Variants in CASC3 observed in about 807,000 individuals in gnomAD.
CASC3 encodes protein CASC3.
In CASC3, 30 loss-of-function variants were observed where a neutral mutation model predicts 80.5. That is an observed-to-expected ratio of 0.37 (90% CI 0.28 to 0.51). The LOEUF (loss-of-function observed/expected upper bound fraction) is 0.51. Among genes scored for constraint, CASC3 ranks in the 20% least tolerant of loss-of-function variants. The probability of loss-of-function intolerance (pLI) is 0.94; values close to 1 mark genes in which losing one functional copy is unlikely to be tolerated. For missense variants in CASC3, 824 were observed against 922.2 expected (o/e 0.89, Z 1.38); for synonymous variants, 312 against 333.6 (o/e 0.94, Z 0.70).
chr17:40,152,390 C>G (rs1177280650), intron 3 of CASC3, among the ~76,000 whole-genome samples: 1 of 151,608 alleles, frequency 6.6e-6, no homozygotes, highest in African/African-American at 2.4e-5. Context: ...GGCATGATCT[C>G]AGCTCACTGC....
chr17:40,170,362 G>A, intron 13 of CASC3, 85 bp from the exon 14 acceptor site: 1 of 882,454 alleles, frequency 1.1e-6, no homozygotes, highest in Non-Finnish European at 1.4e-6. Flanking sequence ...TTATTTAGAA[G>A]TGTGGCTTTT....
intron 11 of CASC3, 193 bp from the exon 12 acceptor site, chr17:40,169,131 T>A (rs963374446): frequency 3.4e-6 from 2 of 580,196 alleles, no homozygotes; most frequent in Admixed American, 3.4e-5. Context: ...TTTGAAGAAA[T>A]AAAAACCAGA....
At chr17:40,161,289 T>TC (rs1338861155) in intron 3 of CASC3, among the ~76,000 whole-genome samples, 1 of 152,240 alleles carries the variant, frequency 6.6e-6, no homozygotes, top group Non-Finnish European at 1.5e-5. Flanking sequence ...AATAGGATCT[T>TC]TATTTTCTAG....
intron 3 of CASC3, among the ~76,000 whole-genome samples, chr17:40,146,970 A>T (rs1988878069): frequency 1.3e-5 from 2 of 152,322 alleles, no homozygotes; most frequent in Non-Finnish European, 2.9e-5. Flanking sequence ...TACATCAGGG[A>T]CCGTCTGTAG....
chr17:40,170,941 C>T lies in CASC3; in HGVS notation c.*536C>T, dbSNP rs1311680270. On this transcript the variant is annotated 3_prime_UTR_variant, in exon 14 of 14. Coordinates refer to ENST00000264645, the MANE Select transcript of CASC3 (RefSeq NM_007359.5). ...CCTCTGGATTCCCTTTTGACTCTTC[C>T]GTGCATCCCAGATAATGGAGAATGT... 10 of 985,304 alleles carry T rather than the reference C, an allele frequency of 1.0e-5. No individual in the cohort carries two copies. In the South Asian group the frequency reaches 1.9e-4, roughly 19 times the overall value. The allele number at this position is 985,304 out of a possible 1,614,324, so 61.0% of individuals were successfully genotyped here.
At chr17:40,169,795 A>C in intron 13 of CASC3, 133 bp downstream of exon 13, 1 of 486,098 alleles carries the variant, frequency 2.1e-6, no homozygotes, top group Non-Finnish European at 3.2e-6. Flanking sequence ...TCAGTCTGTT[A>C]TCCAGGCTGG....
chr17:40,151,042 T>C (rs778423116), intron 3 of CASC3, among the ~76,000 whole-genome samples: 3 of 151,882 alleles, frequency 2.0e-5, no homozygotes, highest in Non-Finnish European at 4.4e-5. Flanking sequence ...AAAACTGCTT[T>C]ATTGAGATAC....
At chr17:40,148,295 C>T (rs544290990) in intron 3 of CASC3, among the ~76,000 whole-genome samples, 6 of 151,944 alleles carry the variant, frequency 3.9e-5, no homozygotes, top group Admixed American at 2.0e-4. Context: ...TCTAGGAACT[C>T]CCTTCTAGGG....
intron 3 of CASC3, among the ~76,000 whole-genome samples, chr17:40,159,553 T>TG (rs1478759370): frequency 7.2e-6 from 1 of 138,122 alleles, no homozygotes; most frequent in East Asian, 2.0e-4. Context: ...TGTTTTTTTT[T>TG]TTTTTTTTTT....
intron 3 of CASC3, among the ~76,000 whole-genome samples, chr17:40,144,445 A>G (rs1321920182): frequency 6.6e-6 from 1 of 150,914 alleles, no homozygotes; most frequent in African/African-American, 2.4e-5. Flanking sequence ...CCCGGGTTCA[A>G]GCGATTCTCC....
intron 3 of CASC3, among the ~76,000 whole-genome samples, chr17:40,151,337 G>A (rs775594558): frequency 6.6e-6 from 1 of 151,994 alleles, no homozygotes; most frequent in Admixed American, 6.6e-5. Context: ...TCAGCCTCCC[G>A]GATAGCTGAG....
chr17:40,149,942 A>G (rs891780197), intron 3 of CASC3, among the ~76,000 whole-genome samples: 3 of 152,166 alleles, frequency 2.0e-5, no homozygotes, highest in Non-Finnish European at 2.9e-5. Flanking sequence ...GAGGGAATAG[A>G]TAATAATATT....
chr17:40,153,745 CG>C (rs1989071308), intron 3 of CASC3, among the ~76,000 whole-genome samples: 1 of 151,984 alleles, frequency 6.6e-6, no homozygotes, highest in African/African-American at 2.4e-5. Context: ...CCCAGGAGTT[CG>C]AGACCAGCTT....
chr17:40,149,521 GA>G (rs1317814293), intron 3 of CASC3, among the ~76,000 whole-genome samples: 2 of 151,894 alleles, frequency 1.3e-5, no homozygotes, highest in African/African-American at 4.8e-5. Flanking sequence ...AAAGTTAGGA[GA>G]GTATCAAATA....
At chr17:40,162,972 G>A in intron 6 of CASC3, 71 bp downstream of exon 6, 4 of 1,398,994 alleles carry the variant, frequency 2.9e-6, no homozygotes, top group Non-Finnish European at 4.0e-6. Flanking sequence ...TGGAATCCCG[G>A]CACTTTGGGA....
At chr17:40,161,688 G>C in intron 3 of CASC3, 65 bp from the exon 4 acceptor site, 1 of 1,418,744 alleles carries the variant, frequency 7.0e-7, no homozygotes, top group Admixed American at 1.8e-5. Context: ...GTTGGGGGCA[G>C]GGGTGGGAAT....
intron 3 of CASC3, among the ~76,000 whole-genome samples, chr17:40,146,346 A>G (rs1045429243): frequency 6.6e-6 from 1 of 152,104 alleles, no homozygotes; most frequent in Non-Finnish European, 1.5e-5. Context: ...TAAACCCATC[A>G]TAAGTTCAGA....
intron 8 of CASC3, chr17:40,167,137 T>C: frequency 4.1e-6 from 2 of 493,494 alleles, no homozygotes; most frequent in Admixed American, 3.9e-5. Context: ...AATTTTTGTA[T>C]TTTTAGTAAA....
At chr17:40,158,390 A>G (rs1989204280) in intron 3 of CASC3, among the ~76,000 whole-genome samples, 1 of 152,194 alleles carries the variant, frequency 6.6e-6, no homozygotes, top group African/African-American at 2.4e-5. Flanking sequence ...ACCAGGTTTC[A>G]GATGTAACCC....
Sources: allele counts gnomAD v4.1 joint callset (sites outside exome capture counted in the v4.1 genomes callset), GRCh38; gene constraint gnomAD v4.1.1; transcripts MANE v1.5; gene names NCBI Gene and HGNC (gene_info 2026-07-23, HGNC 2026-07-21).